The following DOCK7 variants were observed in gnomAD, a reference collection of about 807,000 sequenced individuals.
The protein encoded by DOCK7 is dedicator of cytokinesis protein 7.
A neutral mutation model predicts 271.0 loss-of-function variants in DOCK7; 138 were observed. The ratio of observed to expected loss-of-function variants is 0.51; its 90% CI spans 0.44 to 0.59. The LOEUF is 0.59. Among genes scored for constraint, DOCK7 ranks in the 20% least tolerant of loss-of-function variants. The pLI is 0.00. For missense variants in DOCK7, 2,066 were observed against 2,592.4 expected (o/e 0.80, Z 4.41); for synonymous variants, 823 against 876.1 (o/e 0.94, Z 1.07).
intron 20 of DOCK7, among the ~76,000 whole-genome samples, chr1:62,557,784 CT>C (rs1041104990): frequency 6.6e-5 from 10 of 151,460 alleles, no homozygotes; most frequent in African/African-American, 1.9e-4. Flanking sequence ...CAATGCTAAC[CT>C]TTTTTTCCTT....
intron 7 of DOCK7, among the ~76,000 whole-genome samples, chr1:62,642,268 C>T (rs1275636418): frequency 6.6e-6 from 1 of 151,722 alleles, no homozygotes; most frequent in African/African-American, 2.4e-5. Flanking sequence ...GCCAACATGC[C>T]CGGCTAATTT....
intron 34 of DOCK7, among the ~76,000 whole-genome samples, chr1:62,510,117 T>C (rs756295143): frequency 1.3e-5 from 2 of 152,202 alleles, no homozygotes; most frequent in Non-Finnish European, 2.9e-5. Context: ...TTCATGTAAG[T>C]GTATTGTAGG....
intron 49 of DOCK7, 166 bp from the exon 50 acceptor site, chr1:62,455,622 G>T: frequency 1.6e-6 from 1 of 643,510 alleles, no homozygotes; most frequent in Non-Finnish European, 2.7e-6. Flanking sequence ...TTATATTTTG[G>T]CTTATAGATT....
chr1:62,641,387 T>C (rs1029776743), intron 7 of DOCK7: 37 of 400,018 alleles, frequency 9.2e-5, no homozygotes, highest in African/African-American at 6.8e-4. Context: ...CCACTTTTTG[T>C]CATAGGGGAG....
At chr1:62,548,238 G>A (rs1460594622) in intron 22 of DOCK7, among the ~76,000 whole-genome samples, 1 of 150,552 alleles carries the variant, frequency 6.6e-6, no homozygotes, top group Non-Finnish European at 1.5e-5. Flanking sequence ...ACAAAAAACA[G>A]AATAACAGGA....
At chr1:62,467,863 T>C (rs1645721694) in intron 48 of DOCK7, among the ~76,000 whole-genome samples, 1 of 152,078 alleles carries the variant, frequency 6.6e-6, no homozygotes, top group Non-Finnish European at 1.5e-5. Flanking sequence ...TTAACAAAAT[T>C]CTAACTAACC....
intron 20 of DOCK7, 144 bp from the exon 21 acceptor site, chr1:62,556,133 T>C: frequency 1.2e-6 from 1 of 815,328 alleles, no homozygotes. Flanking sequence ...TATTTGATAT[T>C]GACTTTTAAT....
chr1:62,455,311 ATAAT>A lies in DOCK7; in HGVS notation c.*99_*102del, dbSNP rs747120406. The A allele has an allele frequency of 5.2e-4, 656 of 1,273,292 alleles. 2 individuals carry two copies. Among genetic ancestry groups the A allele is most frequent in the Non-Finnish European group, 7.1e-4 (625 of 885,166 alleles). 78.9% of individuals were successfully genotyped at this position (1,273,292 alleles called of 1,614,324 possible). A position where few individuals can be genotyped will look rare whatever the true frequency, so the allele number is the denominator to read the frequency against. On this transcript the variant is annotated 3_prime_UTR_variant, in exon 50 of 50. Coordinates refer to ENST00000635253, the MANE Select transcript of DOCK7 (RefSeq NM_001367561.1). ...TGGCCACTGCATTCTTCAATGAATA[ATAAT>A]TTCCAGAATTCCATTCCATGTTGTT...
At chr1:62,582,370 GA>G (rs1480183948) in intron 16 of DOCK7, among the ~76,000 whole-genome samples, 1 of 150,762 alleles carries the variant, frequency 6.6e-6, no homozygotes, top group African/African-American at 2.4e-5. Context: ...CTAAAACGGT[GA>G]AAACCCGTCT....
intron 24 of DOCK7, chr1:62,543,156 T>TAA (rs5774609): frequency 3.0e-4 from 46 of 152,760 alleles, no homozygotes; most frequent in Non-Finnish European, 4.4e-4. Flanking sequence ...AAGGTCTTTT[T>TAA]AAAAAAAAAT....
intron 2 of DOCK7, among the ~76,000 whole-genome samples, chr1:62,659,420 T>C (rs1471626358): frequency 6.6e-6 from 1 of 151,694 alleles, no homozygotes; most frequent in Non-Finnish European, 1.5e-5. Context: ...TCCACAACAC[T>C]ATAAATCAAA....
intron 29 of DOCK7, among the ~76,000 whole-genome samples, chr1:62,530,080 A>C (rs1286104109): frequency 6.6e-6 from 1 of 152,216 alleles, no homozygotes; most frequent in African/African-American, 2.4e-5. Context: ...AGCTGACAGC[A>C]CTTTAACTAT....
At chr1:62,475,629 T>G in intron 46 of DOCK7, 78 bp downstream of exon 46, 3 of 1,336,032 alleles carry the variant, frequency 2.2e-6, no homozygotes, top group Non-Finnish European at 3.2e-6. Context: ...GTACATATCT[T>G]CTGGTACATC....
intron 18 of DOCK7, among the ~76,000 whole-genome samples, chr1:62,567,662 G>A (rs561636268): frequency 4.0e-5 from 6 of 151,378 alleles, no homozygotes; most frequent in South Asian, 2.1e-4. Flanking sequence ...AAAACTACAC[G>A]TTCTGCACAT....
rs777064428 is a variant in DOCK7 at position 62,494,491 on chromosome 1, C to T, written c.5025-24G>A. ...TTCTAATTAGAACAGAAATTCTTCT[C>T]CATTAGTATGTGCTTCCCAAGCTGG... On this transcript the variant is annotated intron_variant, in intron 39 of 49. Coordinates refer to ENST00000635253, the MANE Select transcript of DOCK7 (RefSeq NM_001367561.1). The T allele has an allele frequency of 5.7e-6, 9 of 1,579,532 alleles. No homozygotes were observed. The African/African-American group carries it at 9.4e-5, about 17-fold the overall frequency.
At chr1:62,578,684 T>C (rs1164648575) in intron 17 of DOCK7, 144 bp downstream of exon 17, 16 of 756,170 alleles carry the variant, frequency 2.1e-5, no homozygotes, top group Non-Finnish European at 2.9e-5. Context: ...ATCGCGCCAC[T>C]GCACTCCAGC....
intron 20 of DOCK7, among the ~76,000 whole-genome samples, chr1:62,557,976 A>C (rs1365910362): frequency 6.6e-6 from 1 of 152,034 alleles, no homozygotes; most frequent in Non-Finnish European, 1.5e-5. Flanking sequence ...TCATCTCTAC[A>C]TAGCATAGCC....
intron 34 of DOCK7, 23 bp from the exon 35 acceptor site, chr1:62,508,081 A>G: frequency 6.4e-7 from 1 of 1,564,392 alleles, no homozygotes; most frequent in South Asian, 1.2e-5. Flanking sequence ...ATTGTAAGAA[A>G]TTATATTTAT....
At chr1:62,553,696 T>C (rs1339659102) in intron 21 of DOCK7, among the ~76,000 whole-genome samples, 2 of 152,098 alleles carry the variant, frequency 1.3e-5, no homozygotes, top group South Asian at 2.1e-4. Context: ...GAACTAATGA[T>C]TGCTGTACAA....
Sources: gnomAD v4.1 joint callset for allele counts (sites outside exome capture counted in the v4.1 genomes callset) on GRCh38, gnomAD v4.1.1 for gene constraint, MANE v1.5 for transcripts, NCBI Gene and HGNC (gene_info 2026-07-23, HGNC 2026-07-21) for gene names.